The following GATAD2A variants were observed in gnomAD, a reference collection of about 807,000 sequenced individuals.
The protein encoded by GATAD2A is GATA zinc finger domain containing 2A, also known as transcriptional repressor p66-alpha.
In GATAD2A, 12 loss-of-function variants were observed where a neutral mutation model predicts 68.5. The observed-to-expected ratio is 0.18, with a 90% CI of 0.11 to 0.28. The LOEUF (loss-of-function observed/expected upper bound fraction) is 0.28. Among genes scored for constraint, GATAD2A ranks in the 10% least tolerant of loss-of-function variants. GATAD2A has a pLI of 1.00. For synonymous variants in GATAD2A, 410 were observed against 375.3 expected, an observed-to-expected ratio of 1.09 and a Z score of -1.07; for missense variants, 755 against 868.5, an observed-to-expected ratio of 0.87 and a Z score of 1.64.
At chr19:19,437,161 AC>A (rs1422713843) in intron 1 of GATAD2A, among the ~76,000 whole-genome samples, 9 of 152,178 alleles carry the variant, frequency 5.9e-5, no homozygotes, top group African/African-American at 1.9e-4. Context: ...ACAGGGTCTC[AC>A]TCTGTCACCC....
At chr19:19,484,548 T>G (rs1299023704) in intron 2 of GATAD2A, among the ~76,000 whole-genome samples, 1 of 147,974 alleles carries the variant, frequency 6.8e-6, no homozygotes, top group African/African-American at 2.5e-5. Context: ...TTTTTTTTTT[T>G]TTGAGACGGA....
intron 1 of GATAD2A, among the ~76,000 whole-genome samples, chr19:19,387,577 C>A (rs1392566448): frequency 6.6e-6 from 1 of 152,150 alleles, no homozygotes; most frequent in African/African-American, 2.4e-5. Context: ...CCTCGGCCTC[C>A]CACAGTGTTG....
At chr19:19,494,799 G>C (rs2060035505) in intron 5 of GATAD2A, among the ~76,000 whole-genome samples, 1 of 152,192 alleles carries the variant, frequency 6.6e-6, no homozygotes, top group African/African-American at 2.4e-5. Flanking sequence ...AAACAGGCCT[G>C]AGCCCTCAGC....
intron 1 of GATAD2A, among the ~76,000 whole-genome samples, chr19:19,408,015 G>GT (rs2050476676): frequency 6.6e-6 from 1 of 152,132 alleles, no homozygotes; most frequent in Non-Finnish European, 1.5e-5. Context: ...TTGTTTGTTT[G>GT]TTTTTTTGAG....
chr19:19,468,994 G>A (rs1409473247), intron 2 of GATAD2A, among the ~76,000 whole-genome samples: 1 of 152,126 alleles, frequency 6.6e-6, no homozygotes, highest in Non-Finnish European at 1.5e-5. Context: ...CAAAAGATGG[G>A]GAATTAAATG....
chr19:19,458,910 C>T (rs1255185784), intron 1 of GATAD2A, among the ~76,000 whole-genome samples: 1 of 152,160 alleles, frequency 6.6e-6, no homozygotes, highest in African/African-American at 2.4e-5. Context: ...GAGCTTCTCA[C>T]CCTAGGGAGC....
intron 11 of GATAD2A, among the ~76,000 whole-genome samples, chr19:19,503,522 A>G (rs2060680002): frequency 1.3e-5 from 2 of 152,250 alleles, no homozygotes; most frequent in African/African-American, 4.8e-5. Context: ...AGCAGGTTTA[A>G]GACAGCTGAG....
chr19:19,392,272 CAG>C (rs1438903015), intron 1 of GATAD2A, among the ~76,000 whole-genome samples: 1 of 151,272 alleles, frequency 6.6e-6, no homozygotes, highest in Non-Finnish European at 1.5e-5. Flanking sequence ...TTTGTAGAGA[CAG>C]GGTCTCGCTA....
intron 1 of GATAD2A, among the ~76,000 whole-genome samples, chr19:19,445,997 C>T (rs974732268): frequency 8.5e-5 from 13 of 152,168 alleles, no homozygotes; most frequent in South Asian, 2.1e-4. Context: ...TGCCCAGGCT[C>T]ATGTGGGAAC....
At chr19:19,406,332 GC>G (rs1387064912) in intron 1 of GATAD2A, among the ~76,000 whole-genome samples, 1 of 150,630 alleles carries the variant, frequency 6.6e-6, no homozygotes, top group Non-Finnish European at 1.5e-5. Context: ...GCCGCGAGGC[GC>G]CTCTTCCGAG....
At chr19:19,423,195 C>G (rs2052642222) in intron 1 of GATAD2A, among the ~76,000 whole-genome samples, 1 of 152,136 alleles carries the variant, frequency 6.6e-6, no homozygotes, top group Admixed American at 6.5e-5. Flanking sequence ...TTTGTAGAGA[C>G]AGAGTCCCAT....
At chr19:19,419,559 C>G (rs1291416094) in intron 1 of GATAD2A, among the ~76,000 whole-genome samples, 4 of 148,424 alleles carry the variant, frequency 2.7e-5, no homozygotes. Flanking sequence ...TTCTGTCACC[C>G]AGGCTGGAGT....
In GATAD2A at chr19:19,412,377, G is replaced by C. The variant is rs570778408; in HGVS notation, c.-7+6358G>C. ...TCACCATGTTGGCCAGGATGGTCTT[G>C]ATTTCTTGACCTTGTGATCCACCTG... is the stretch of plus-strand genomic sequence containing the variant. On this transcript the variant is annotated intron_variant, in intron 1 of 11. Coordinates refer to ENST00000683918, the MANE Select transcript of GATAD2A (RefSeq NM_001384528.1). Among the ~76,000 whole-genome samples the C allele has an allele frequency of 2.8e-3, 419 of 151,774 alleles. 4 individuals carry two copies. Among genetic ancestry groups the C allele is most frequent in the Non-Finnish European group, 6.8e-4 (46 of 67,958 alleles).
intron 4 of GATAD2A, 49 bp downstream of exon 4, chr19:19,492,761 TTGC>T: frequency 6.2e-7 from 1 of 1,600,314 alleles, no homozygotes; most frequent in Non-Finnish European, 8.6e-7. Context: ...GCGCCTGGCC[TTGC>T]CTTGATCCCC....
chr19:19,452,822 C>T (rs1443094915), intron 1 of GATAD2A, among the ~76,000 whole-genome samples: 1 of 152,172 alleles, frequency 6.6e-6, no homozygotes, highest in African/African-American at 2.4e-5. Context: ...GATCCTGCCC[C>T]AGAGTGGGAC....
intron 1 of GATAD2A, among the ~76,000 whole-genome samples, chr19:19,436,755 A>G (rs73002936): frequency 2.6e-5 from 4 of 152,302 alleles, no homozygotes; most frequent in Non-Finnish European, 5.9e-5. Context: ...CTCTGTTACC[A>G]TCAAGCCTGG....
At chr19:19,445,620 T>G (rs531472790) in intron 1 of GATAD2A, among the ~76,000 whole-genome samples, 46 of 152,346 alleles carry the variant, frequency 3.0e-4, no homozygotes, top group Admixed American at 1.0e-3. Flanking sequence ...TTATTCTACT[T>G]TCTGTCTCTG....
chr19:19,420,331 C>CTT (rs1184441572), intron 1 of GATAD2A, among the ~76,000 whole-genome samples: 3,614 of 86,046 alleles, frequency 0.042, 152 homozygotes, highest in Non-Finnish European at 0.065. Flanking sequence ...CCCATCTTGA[C>CTT]TTTTTTTTTT....
chr19:19,412,154 T>G (rs1233693287), intron 1 of GATAD2A, among the ~76,000 whole-genome samples: 4 of 151,564 alleles, frequency 2.6e-5, no homozygotes, highest in Non-Finnish European at 4.4e-5. Context: ...ATTTTTAATT[T>G]TTTTTTTAAT....
Sources: allele counts gnomAD v4.1 joint callset (sites outside exome capture counted in the v4.1 genomes callset), GRCh38; gene constraint gnomAD v4.1.1; transcripts MANE v1.5; gene names NCBI Gene and HGNC (gene_info 2026-07-23, HGNC 2026-07-21).